RUVBL1: variants seen among roughly 807,000 people sequenced by gnomAD.
The protein encoded by RUVBL1 is ruvB-like 1.
In RUVBL1, 4 loss-of-function variants were observed where a neutral mutation model predicts 52.4. The ratio of observed to expected loss-of-function variants is 0.08; its 90% confidence interval spans 0.04 to 0.17. The LOEUF (loss-of-function observed/expected upper bound fraction) is 0.17, where lower values mean the gene tolerates loss of function less well. Ranked by LOEUF, RUVBL1 falls within the 10% of genes least tolerant of loss-of-function variation. RUVBL1 has a pLI of 1.00. For synonymous variants in RUVBL1, 217 were observed against 214.4 expected (o/e 1.01, Z -0.10); for missense variants, 298 against 572.8 (o/e 0.52, Z 4.90).
intron 2 of RUVBL1, among the ~76,000 whole-genome samples, chr3:128,115,598 G>C (rs893405588): frequency 7.2e-5 from 11 of 152,256 alleles, no homozygotes; most frequent in African/African-American, 2.2e-4. Flanking sequence ...CCACAGTGCT[G>C]AGCACTTCTC....
chr3:128,150,970 A>C (rs1389693524), intron 1 of RUVBL1, among the ~76,000 whole-genome samples: 26 of 93,154 alleles, frequency 2.8e-4, no homozygotes, highest in African/African-American at 1.0e-3. Context: ...TCTATATATT[A>C]TATATTATAT....
intron 2 of RUVBL1, among the ~76,000 whole-genome samples, chr3:128,118,100 T>TC (rs1943567779): frequency 6.6e-6 from 1 of 152,142 alleles, no homozygotes; most frequent in African/African-American, 2.4e-5. Flanking sequence ...ATTATTTACT[T>TC]TAGGAAGAAG....
At chr3:128,107,845 C>A (rs1009847417) in intron 3 of RUVBL1, among the ~76,000 whole-genome samples, 5 of 152,274 alleles carry the variant, frequency 3.3e-5, no homozygotes, top group African/African-American at 9.6e-5. Flanking sequence ...CCTTTTATAT[C>A]CCACAGCGAT....
chr3:128,133,217 CT>C (rs1452000002), intron 1 of RUVBL1, among the ~76,000 whole-genome samples: 1 of 152,186 alleles, frequency 6.6e-6, no homozygotes, highest in Non-Finnish European at 1.5e-5. Context: ...ACCAGCTCGG[CT>C]ACAGTAGACT....
At chr3:128,074,788 G>T (rs1407302354) in intron 9 of RUVBL1, among the ~76,000 whole-genome samples, 2 of 139,690 alleles carry the variant, frequency 1.4e-5, no homozygotes, top group Non-Finnish European at 3.0e-5. Flanking sequence ...GTTGCAGTAA[G>T]CTGAGATGGC....
At chr3:128,135,916 A>G (rs763365274) in intron 1 of RUVBL1, among the ~76,000 whole-genome samples, 16 of 152,172 alleles carry the variant, frequency 1.1e-4, no homozygotes, top group Non-Finnish European at 1.8e-4. Flanking sequence ...ACATGACAGT[A>G]TAATAAGATA....
At chr3:128,064,903 G>C (rs1264880359) in exon 10 of RUVBL1, 1 of 1,611,162 alleles carries the variant, frequency 6.2e-7, no homozygotes. Context: ...TGCTATCATC[G>C]CACTTTTCCA....
At chr3:128,145,884 A>G (rs1258112965) in intron 1 of RUVBL1, among the ~76,000 whole-genome samples, 1 of 152,210 alleles carries the variant, frequency 6.6e-6, no homozygotes, top group Non-Finnish European at 1.5e-5. Context: ...CCCTCCAGCC[A>G]ACCTGTTCCC....
chr3:128,131,828 G>A (rs144270877), intron 1 of RUVBL1, among the ~76,000 whole-genome samples: 1 of 152,280 alleles, frequency 6.6e-6, no homozygotes, highest in East Asian at 1.9e-4. Context: ...GAGGGAGGCG[G>A]AGCAAGATGG....
At chr3:128,095,467 T>A (rs1048196585) in intron 8 of RUVBL1, among the ~76,000 whole-genome samples, 14 of 152,264 alleles carry the variant, frequency 9.2e-5, no homozygotes, top group Non-Finnish European at 4.4e-5. Context: ...CTCCAGAAGC[T>A]GCCCAAGTAG....
intron 4 of RUVBL1, among the ~76,000 whole-genome samples, chr3:128,102,672 G>A (rs1943132573): frequency 6.6e-6 from 1 of 152,222 alleles, no homozygotes; most frequent in African/African-American, 2.4e-5. Flanking sequence ...GTTGCCGAGG[G>A]CTATAGTTGG....
intron 8 of RUVBL1, among the ~76,000 whole-genome samples, chr3:128,096,848 T>C (rs2107686218): frequency 6.7e-6 from 1 of 150,128 alleles, no homozygotes; most frequent in Non-Finnish European, 1.5e-5. Flanking sequence ...AGAAAGAAAA[T>C]GCTGGTTTTG....
chr3:128,150,866 A>C (rs572997877), intron 1 of RUVBL1, among the ~76,000 whole-genome samples: 767 of 55,740 alleles, frequency 0.014, 20 homozygotes, highest in East Asian at 0.053. Context: ...ATTATATATT[A>C]TATATATATA....
chr3:128,098,928 C>A lies in RUVBL1; in HGVS notation c.771G>T (p.Leu257=). Reference sequence around the variant, plus strand: ...GCTTCATTAGCTGGCCCATCATGGACAGGATATCTTGTCCCCCCTGCATAA... The same window carrying A: ...GCTTCATTAGCTGGCCCATCATGGAAAGGATATCTTGTCCCCCCTGCATAA... ...NARPQGGQDI[L]SMMGQLMKPK... is the part of the protein sequence containing the mutation. Residue 257 remains leucine (L), a synonymous_variant, in exon 7 of 11, where the codon CTG becomes CTT. Transcript: ENST00000322623. 6.2e-7 allele frequency: 1 copy of A among 1,614,048 alleles called. No individual in the cohort carries two copies. Among genetic ancestry groups the A allele is most frequent in the Non-Finnish European group, 8.5e-7 (1 of 1,179,976 alleles).
intron 1 of RUVBL1, among the ~76,000 whole-genome samples, chr3:128,150,884 T>TTCTATATATA (rs1222687206): frequency 3.5e-5 from 3 of 85,282 alleles, no homozygotes; most frequent in African/African-American, 1.5e-4. Context: ...ATATTCTATA[T>TTCTATATATA]ATATATTCTA....
At chr3:128,080,700 TAAG>T (rs1942445441), downstream of RUVBL1, among the ~76,000 whole-genome samples, 1 of 152,110 alleles carries the variant, frequency 6.6e-6, no homozygotes, top group African/African-American at 2.4e-5. Flanking sequence ...AAGGAAAATC[TAAG>T]AAGATGTCAC....
rs532412247 is a variant in RUVBL1 at position 128,072,815 on chromosome 3, C to G, written c.940-7595G>C. 4.3e-4 allele frequency among the ~76,000 whole-genome samples: 65 copies of G among 152,324 alleles called. 1 individual carries two copies. Among genetic ancestry groups the G allele is most frequent in the African/African-American group, 1.5e-3 (64 of 41,574 alleles). On this transcript the variant is annotated intron_variant, in intron 9 of 9. Transcript: ENST00000464873. ...GTGGCCCCTCTTGCCTGAGAGCAAA[C>G]GGAGCCCACATTCCAGCAGCCACGC...
At chr3:128,153,490 C>CGAGGCG in exon 1 of RUVBL1, 3 of 1,477,934 alleles carry the variant, frequency 2.0e-6, no homozygotes, top group Non-Finnish European at 2.7e-6. Flanking sequence ...GGCGGGTGTC[C>CGAGGCG]GAGGCGGCGG....
intron 1 of RUVBL1, among the ~76,000 whole-genome samples, chr3:128,134,006 G>T (rs2107730204): frequency 6.6e-6 from 1 of 152,198 alleles, no homozygotes; most frequent in East Asian, 1.9e-4. Context: ...TCAAGATAAT[G>T]CAGAGAAGGA....
Sources: gnomAD v4.1 joint callset for allele counts (sites outside exome capture counted in the v4.1 genomes callset) on GRCh38, gnomAD v4.1.1 for gene constraint, MANE v1.5 for transcripts, NCBI Gene and HGNC (gene_info 2026-07-23, HGNC 2026-07-21) for gene names.